SH2D3C: variants seen among roughly 807,000 people sequenced by gnomAD.
SH2D3C encodes the protein SH2 domain-containing protein 3C.
Under a neutral mutation model 75.2 loss-of-function variants are expected in SH2D3C, and 25 were observed. The observed-to-expected ratio is 0.33, with a 90% CI of 0.24 to 0.46. The LOEUF (loss-of-function observed/expected upper bound fraction) is 0.46, where lower values mean the gene tolerates loss of function less well. SH2D3C is among the 20% of genes least tolerant of loss of function. The pLI is 1.00. For synonymous variants in SH2D3C, 450 were observed against 473.7 expected, an observed-to-expected ratio of 0.95 and a Z score of 0.65; for missense variants, 933 against 1,165.3, an observed-to-expected ratio of 0.80 and a Z score of 2.90.
At chr9:127,750,657 G>A (rs192811383) in intron 4 of SH2D3C, among the ~76,000 whole-genome samples, 1 of 152,346 alleles carries the variant, frequency 6.6e-6, no homozygotes, top group Admixed American at 6.5e-5. Flanking sequence ...CACCCTTGGT[G>A]CTTAGCACAG....
rs1457191573 is a variant in SH2D3C at position 127,742,876 on chromosome 9, C to T, written c.1889G>A (p.Arg630Gln). 1 of 1,613,638 alleles carries T rather than the reference C, an allele frequency of 6.2e-7. No homozygotes were observed. Among genetic ancestry groups the T allele is most frequent in the Non-Finnish European group, 8.5e-7 (1 of 1,179,804 alleles). ...GMELLTLPHG[R>Q]QLRLDLLERF... ...TTCCAGCAGGTCTAGGCGTAGCTGC[C>T]GGCCATGGGGGAGGGTGAGCAGTTC... The change falls in exon 8 of 12, where the codon CGG becomes CAG. Residue 630 changes from arginine (R) to glutamine (Q), a missense_variant. Transcript: ENST00000314830.
Position 127,739,618 on chromosome 9 carries a change from G to C in SH2D3C, c.2407+64C>G. On this transcript the variant is annotated intron_variant, in intron 11 of 11. Transcript: ENST00000314830. This position sits in a 1 kb window ranked among gnomAD's most constrained non-coding sequence, Gnocchi z 4.3. ...AATGGATGCCTTGGAGAAAAGGGAA[G>C]CAGTGAGGCAGGTGGAGGGAGGCCC... is the stretch of plus-strand genomic sequence containing the variant. 1 of 1,433,038 alleles carries C rather than the reference G, an allele frequency of 7.0e-7. No individual in the cohort carries two copies. The highest frequency in any genetic ancestry group is 1.9e-5 in the Admixed American group (1 of 53,908). The allele number at this position is 1,433,038 out of a possible 1,614,324, so 88.8% of individuals were successfully genotyped here.
intron 2 of SH2D3C, chr9:127,762,317 T>C (rs1782237065): frequency 7.7e-7 from 1 of 1,293,498 alleles, no homozygotes; most frequent in African/African-American, 1.5e-5. Flanking sequence ...CCCCACCGCA[T>C]GGCCTTAAAT....
chr9:127,750,161 A>G lies in SH2D3C; in HGVS notation c.685-496T>C, dbSNP rs982322930. On this transcript the variant is annotated intron_variant, in intron 4 of 11. Coordinates refer to ENST00000314830, the MANE Select transcript of SH2D3C (RefSeq NM_170600.3). ...CTTCTTTATTATTATTATTATTGTT[A>G]TTATTATTATTATTATTATTAAGAT... 4.7e-5 allele frequency among the ~76,000 whole-genome samples: 7 copies of G among 147,864 alleles called. No individual in the cohort carries two copies. In the East Asian group the frequency reaches 9.8e-4, roughly 21 times the overall value.
intron 6 of SH2D3C, among the ~76,000 whole-genome samples, chr9:127,746,230 G>A (rs1845026360): frequency 6.6e-6 from 1 of 152,142 alleles, no homozygotes; most frequent in South Asian, 2.1e-4. Context: ...CTGTGTTTAG[G>A]GAAGGATTTG....
In SH2D3C at chr9:127,754,356, G is replaced by A. The variant is rs184904589; in HGVS notation, c.556-3056C>T. Among the ~76,000 whole-genome samples, 2 of 151,982 alleles carry A rather than the reference G, an allele frequency of 1.3e-5. No individual in the cohort carries two copies. The highest frequency in any genetic ancestry group is 2.9e-5 in the Non-Finnish European group (2 of 67,938). ...GGGGGCAGGAGCGCGGAGACCCCCGGACAGGGTCTTAACCCCTTCCCGCCA... is the reference window on the plus strand; with the variant it reads ...GGGGGCAGGAGCGCGGAGACCCCCGAACAGGGTCTTAACCCCTTCCCGCCA... On this transcript the variant is annotated intron_variant, in intron 3 of 11. Transcript: ENST00000314830. This position sits in a 1 kb window ranked among gnomAD's most constrained non-coding sequence, Gnocchi z 4.4.
Position 127,754,152 on chromosome 9 carries a change from G to A in SH2D3C, c.556-2852C>T, listed in dbSNP as rs541850462. ...TGCGAATGCAGCATCCCTGCGCTCG[G>A]CGCCCTGCTATTGGCCAGAGATGAT... On this transcript the variant is annotated intron_variant, in intron 3 of 11. Coordinates refer to ENST00000314830, the MANE Select transcript of SH2D3C (RefSeq NM_170600.3). This position sits in a 1 kb window ranked among gnomAD's most constrained non-coding sequence, Gnocchi z 4.4. Among the ~76,000 whole-genome samples, 3 of 152,312 alleles carry A rather than the reference G, an allele frequency of 2.0e-5. No homozygotes were observed. The highest frequency in any genetic ancestry group is 2.0e-4 in the Admixed American group (3 of 15,310).
chr9:127,745,229 T>C (rs886302421), intron 6 of SH2D3C, 130 bp from the exon 7 acceptor site: 11 of 681,046 alleles, frequency 1.6e-5, no homozygotes, highest in Non-Finnish European at 2.4e-5. Flanking sequence ...CCCACCTCCC[T>C]GCATCACCAG....
chr9:127,741,473 G>A (rs1844854819), intron 9 of SH2D3C, among the ~76,000 whole-genome samples: 1 of 152,056 alleles, frequency 6.6e-6, no homozygotes. Flanking sequence ...CTCTGACCTC[G>A]TGATCCGCCC....
intron 3 of SH2D3C, among the ~76,000 whole-genome samples, chr9:127,760,582 C>A (rs1381638556): frequency 6.6e-6 from 1 of 151,804 alleles, no homozygotes; most frequent in Non-Finnish European, 1.5e-5. Flanking sequence ...ACGTGTTACC[C>A]CAGAACTTAA....
chr9:127,742,818 C>T (rs1386098956), intron 8 of SH2D3C, 31 bp downstream of exon 8: 2 of 1,555,310 alleles, frequency 1.3e-6, no homozygotes, highest in Non-Finnish European at 1.8e-6. Flanking sequence ...GGGGGTTCCC[C>T]GCGAGTCCCC....
chr9:127,762,231 G>T (rs1261148866), intron 2 of SH2D3C: 1 of 1,203,222 alleles, frequency 8.3e-7, no homozygotes, highest in Non-Finnish European at 1.1e-6. Context: ...CCCCAGGGTG[G>T]AGAGCCTGGA....
chr9:127,756,616 T>C (rs986643414), intron 3 of SH2D3C, among the ~76,000 whole-genome samples: 3 of 150,508 alleles, frequency 2.0e-5, no homozygotes, highest in African/African-American at 7.4e-5. Flanking sequence ...TCCTCAAAGA[T>C]GAGTATCTCA....
At chr9:127,769,773 T>C (rs1428643766) in intron 2 of SH2D3C, among the ~76,000 whole-genome samples, 1 of 151,908 alleles carries the variant, frequency 6.6e-6, no homozygotes, top group Non-Finnish European at 1.5e-5. Context: ...AGGCCTGGGA[T>C]CAAATAGTGA....
chr9:127,771,024 TGACCTGC>T (rs1327011573), intron 2 of SH2D3C, among the ~76,000 whole-genome samples: 2 of 152,178 alleles, frequency 1.3e-5, no homozygotes, highest in African/African-American at 4.8e-5. Flanking sequence ...AGCAGATGCC[TGACCTGC>T]GGTGACAAAG....
Position 127,745,099 on chromosome 9 carries a change from A to G in SH2D3C, c.1265T>C (p.Val422Ala). 1 of 1,497,812 alleles carries G rather than the reference A, an allele frequency of 6.7e-7. No individual in the cohort carries two copies. The highest frequency in any genetic ancestry group is 2.3e-5 in the East Asian group (1 of 43,674). The allele number at this position is 1,497,812 out of a possible 1,614,324, so 92.8% of individuals were successfully genotyped here. A position where few individuals can be genotyped will look rare whatever the true frequency, so the allele number is the denominator to read the frequency against. ...ESPSSPAYSTVTRVHAAPAAP... is the reference protein window; with the variant it reads ...ESPSSPAYSTATRVHAAPAAP... ...TGCAGGGGCGGCATGGACACGGGTT[A>G]CTGCAGAAAGGTAGAGAGAGAGGCC... Residue 422 changes from valine (V) to alanine (A), a missense_variant and splice_region_variant, in exon 7 of 12, where the codon GTA becomes GCA. Coordinates refer to ENST00000314830, the MANE Select transcript of SH2D3C (RefSeq NM_170600.3).
chr9:127,751,491 C>T lies in SH2D3C; in HGVS notation c.556-191G>A, dbSNP rs1307825479. On this transcript the variant is annotated intron_variant, in intron 3 of 11. Transcript: ENST00000314830. The surrounding 1 kb of genome is among the most constrained non-coding windows in gnomAD (Gnocchi z 4.1). ...CTCAATTCCTTCCACAAAACAATGCCAGCTGCATTCCAGGCCCTGTGCTAT... is the reference window on the plus strand; with the variant it reads ...CTCAATTCCTTCCACAAAACAATGCTAGCTGCATTCCAGGCCCTGTGCTAT... Among the ~76,000 whole-genome samples, 1 of 152,238 alleles carries T rather than the reference C, an allele frequency of 6.6e-6. No individual in the cohort carries two copies. The highest frequency in any genetic ancestry group is 2.4e-5 in the African/African-American group (1 of 41,462).
Position 127,766,775 on chromosome 9 carries a change from G to A in SH2D3C, c.516-5125C>T, listed in dbSNP as rs1845643548. 6.1e-6 allele frequency: 4 copies of A among 660,830 alleles called. No individual in the cohort carries two copies. In the East Asian group the frequency reaches 1.1e-4, roughly 18 times the overall value. The allele number at this position is 660,830 out of a possible 1,614,324, so 40.9% of individuals were successfully genotyped here. ...AGTAGAGATGGGGTTTCACCATGTT[G>A]GCCAGGCTGGTCTTGAACTCCTGGC... On this transcript the variant is annotated intron_variant, in intron 2 of 11. Transcript: ENST00000314830.
rs1304640234 is a variant in SH2D3C, at chr9:127,751,322, T to C, written c.556-22A>G. The C allele has an allele frequency of 1.9e-6, 3 of 1,611,900 alleles. No individual in the cohort carries two copies. The African/African-American group carries it at 4.0e-5, about 22-fold the overall frequency. ...AGAACTGGGTAGAAAACAGCAAGAG[T>C]TGGCATCCAACTTAAAGTCTCCTTC... On this transcript the variant is annotated intron_variant, in intron 3 of 11. Transcript: ENST00000314830. The surrounding 1 kb of genome is among the most constrained non-coding windows in gnomAD (Gnocchi z 4.1).
Sources: gnomAD v4.1 joint callset for allele counts (sites outside exome capture counted in the v4.1 genomes callset) on GRCh38, gnomAD v4.1.1 for gene constraint, Gnocchi (gnomAD v3.1) non-coding constraint, MANE v1.5 for transcripts, NCBI Gene and HGNC (gene_info 2026-07-23, HGNC 2026-07-21) for gene names.